RELN: variants seen among roughly 807,000 people sequenced by gnomAD.
RELN encodes reelin.
RELN carries 108 observed loss-of-function variants against 427.6 expected under a neutral mutation model. That is an observed-to-expected ratio of 0.25 (90% CI 0.22 to 0.30). The LOEUF is 0.30. RELN is among the 10% of genes least tolerant of loss of function. The pLI, the probability that RELN is intolerant of heterozygous loss-of-function variation, is 1.00. For synonymous variants in RELN, 1,524 were observed against 1,513.4 expected, an observed-to-expected ratio of 1.01 and a Z score of -0.16; for missense variants, 3,715 against 4,302.8, an observed-to-expected ratio of 0.86 and a Z score of 3.82.
intron 2 of RELN, among the ~76,000 whole-genome samples, chr7:103,835,954 CTTTTTTT>C (rs10569884): frequency 7.0e-6 from 1 of 142,394 alleles, no homozygotes; most frequent in African/African-American, 2.6e-5. Flanking sequence ...CTCAATTACC[CTTTTTTT>C]TTTTTTTTTT....
intron 2 of RELN, among the ~76,000 whole-genome samples, chr7:103,862,412 TATCTATCTA>T (rs1316247741): frequency 8.7e-3 from 361 of 41,438 alleles, no homozygotes; most frequent in South Asian, 0.04. Context: ...GCTTTTGTTC[TATCTATCTA>T]TCTATCTATC....
intron 1 of RELN, among the ~76,000 whole-genome samples, chr7:103,956,101 T>C (rs557056273): frequency 6.6e-6 from 1 of 152,336 alleles, no homozygotes; most frequent in South Asian, 2.1e-4. Flanking sequence ...TGTTCCATGG[T>C]ATCAGGGTTT....
At chr7:103,768,911 T>G (rs1339121971) in intron 4 of RELN, among the ~76,000 whole-genome samples, 1 of 152,220 alleles carries the variant, frequency 6.6e-6, no homozygotes, top group Non-Finnish European at 1.5e-5. Context: ...TAACCCCCTA[T>G]ATACACTTTT....
At chr7:103,745,114 C>G (rs58651304) in intron 6 of RELN, among the ~76,000 whole-genome samples, 2 of 151,980 alleles carry the variant, frequency 1.3e-5, no homozygotes, top group Non-Finnish European at 2.9e-5. Flanking sequence ...GTTCAATATA[C>G]GCAAATCAAT....
intron 38 of RELN, among the ~76,000 whole-genome samples, chr7:103,554,252 A>G (rs1033041653): frequency 6.6e-6 from 1 of 151,532 alleles, no homozygotes; most frequent in African/African-American, 2.4e-5. Flanking sequence ...AAAAAAACAT[A>G]AAGTACTTGT....
Position 103,827,281 on chromosome 7 carries a change from A to T in RELN, c.473+6256T>A, listed in dbSNP as rs1306756792. ...CAGCATACTGTGGAGACTCCAGAAG[A>T]GTCCCCTAATATAACCTGTGCTGTT... On this transcript the variant is annotated intron_variant, in intron 3 of 64. Transcript: ENST00000428762. Among the ~76,000 whole-genome samples, 3 of 151,960 alleles carry T rather than the reference A, an allele frequency of 2.0e-5. No homozygotes were observed. In the East Asian group the frequency reaches 5.8e-4, roughly 29 times the overall value.
intron 19 of RELN, among the ~76,000 whole-genome samples, chr7:103,630,851 GTTTTTTTTGTTTTTT>G (rs1447243556): frequency 9.7e-5 from 2 of 20,548 alleles, no homozygotes; most frequent in Admixed American, 3.8e-4. Context: ...TTATTTTTTT[GTTTTTTTTGTTTTTT>G]TTTTTTTTGT....
chr7:103,736,419 A>G (rs951014471), intron 6 of RELN, among the ~76,000 whole-genome samples: 3 of 152,200 alleles, frequency 2.0e-5, no homozygotes, highest in Non-Finnish European at 4.4e-5. Context: ...GACTGAGAAT[A>G]TTACCTTCAA....
At chr7:103,693,706 G>C (rs1833919692) in intron 10 of RELN, among the ~76,000 whole-genome samples, 1 of 152,116 alleles carries the variant, frequency 6.6e-6, no homozygotes, top group Non-Finnish European at 1.5e-5. Context: ...TCTTAAGCAT[G>C]GAGGCAGCAT....
chr7:103,860,796 A>T (rs758507987), intron 2 of RELN, among the ~76,000 whole-genome samples: 31 of 152,176 alleles, frequency 2.0e-4, no homozygotes, highest in Non-Finnish European at 8.8e-5. Context: ...CATCATCATC[A>T]TCATTAAAAA....
intron 11 of RELN, among the ~76,000 whole-genome samples, chr7:103,668,666 G>A (rs1315531740): frequency 6.6e-6 from 1 of 152,124 alleles, no homozygotes; most frequent in Non-Finnish European, 1.5e-5. Flanking sequence ...AATCATTCAA[G>A]GAGCAAGCAC....
At chr7:103,477,778 T>G (rs1300203016) in intron 64 of RELN, among the ~76,000 whole-genome samples, 1 of 152,234 alleles carries the variant, frequency 6.6e-6, no homozygotes, top group African/African-American at 2.4e-5. Context: ...TTTGCCTTCT[T>G]AAATTTTAAA....
At chr7:103,803,413 TTA>T (rs1792517866) in intron 3 of RELN, among the ~76,000 whole-genome samples, 2 of 152,118 alleles carry the variant, frequency 1.3e-5, no homozygotes, top group Admixed American at 1.3e-4. Context: ...TGTTCTTTCC[TTA>T]TATAATAAAC....
chr7:103,762,078 T>C (rs1791315692), intron 4 of RELN, among the ~76,000 whole-genome samples: 1 of 152,190 alleles, frequency 6.6e-6, no homozygotes, highest in Non-Finnish European at 1.5e-5. Flanking sequence ...CGCCCCCCTA[T>C]AGCTTCCTGT....
intron 20 of RELN, among the ~76,000 whole-genome samples, chr7:103,615,009 T>C (rs1278823077): frequency 4.6e-5 from 7 of 152,106 alleles, no homozygotes; most frequent in Non-Finnish European, 8.8e-5. Flanking sequence ...TCAAGACATA[T>C]TTATAAAGGC....
intron 1 of RELN, among the ~76,000 whole-genome samples, chr7:103,956,614 AAGG>A (rs1356023966): frequency 1.3e-5 from 2 of 152,222 alleles, no homozygotes; most frequent in African/African-American, 2.4e-5. Flanking sequence ...CCTAGTTTAA[AAGG>A]AGAAGATGTA....
At chr7:103,718,735 G>C (rs76796015) in intron 8 of RELN, among the ~76,000 whole-genome samples, 3,371 of 152,212 alleles carry the variant, frequency 0.022, 133 homozygotes, top group African/African-American at 0.077. Context: ...ATGAGTCCCT[G>C]GGCTAGTGAC....
chr7:103,840,852 T>C (rs1473042035), intron 2 of RELN, among the ~76,000 whole-genome samples: 3 of 152,224 alleles, frequency 2.0e-5, no homozygotes, highest in African/African-American at 7.2e-5. Flanking sequence ...ATATTGAATT[T>C]TTAATATTAT....
intron 4 of RELN, among the ~76,000 whole-genome samples, chr7:103,756,564 G>A (rs1379002047): frequency 2.0e-5 from 3 of 152,154 alleles, no homozygotes; most frequent in African/African-American, 7.2e-5. Context: ...CTCCTTAGTT[G>A]TAATATATTT....
Sources: allele counts gnomAD v4.1 joint callset (sites outside exome capture counted in the v4.1 genomes callset), GRCh38; gene constraint gnomAD v4.1.1; transcripts MANE v1.5; gene names NCBI Gene and HGNC (gene_info 2026-07-23, HGNC 2026-07-21).